Variants in COL4A5 observed in about 807,000 individuals in gnomAD.
COL4A5 encodes the protein collagen type IV alpha 5 chain, also known as collagen alpha-5(IV) chain.
COL4A5 carries 26 observed loss-of-function variants against 130.2 expected under a neutral mutation model. The observed-to-expected ratio is 0.20, with a 90% CI of 0.15 to 0.28. The LOEUF (loss-of-function observed/expected upper bound fraction) is 0.28. COL4A5 is among the 10% of genes least tolerant of loss of function. The pLI, the probability that COL4A5 is intolerant of heterozygous loss-of-function variation, is 1.00. For missense variants in COL4A5, 1,131 were observed against 1,344.3 expected (o/e 0.84, Z 2.48); for synonymous variants, 496 against 439.6 (o/e 1.13, Z -1.60).
intron 1 of COL4A5, among the ~76,000 whole-genome samples, chrX:108,526,589 CTCCCTCCTTTCTTTCTTTCT>C (rs1315427521): frequency 6.2e-5 from 4 of 64,345 alleles, no homozygotes; most frequent in African/African-American, 2.5e-4. Context: ...CCCTCCCTCC[CTCCCTCCTTTCTTTCTTTCT>C]TTCTTTCTTT....
chrX:108,582,994 C>G, intron 17 of COL4A5, 57 bp downstream of exon 17: 2 of 949,489 alleles, frequency 2.1e-6, no homozygotes, highest in Non-Finnish European at 3.0e-6. Flanking sequence ...TAATCCTTTT[C>G]TTCTCCCAGG....
chrX:108,455,397 T>A (rs2064574234), intron 1 of COL4A5, among the ~76,000 whole-genome samples: 1 of 112,283 alleles, frequency 8.9e-6, no homozygotes, highest in African/African-American at 3.2e-5. Context: ...ACTTTAAAAG[T>A]ACTAAATTGA....
At chrX:108,461,609 T>G (rs2064652450) in intron 1 of COL4A5, among the ~76,000 whole-genome samples, 1 of 109,795 alleles carries the variant, frequency 9.1e-6, no homozygotes, top group Non-Finnish European at 1.9e-5. Flanking sequence ...AAGTTTTTTG[T>G]TTTTTTTTGA....
chrX:108,554,545 C>T (rs902115711), intron 2 of COL4A5, among the ~76,000 whole-genome samples: 2 of 111,304 alleles, frequency 1.8e-5, no homozygotes, highest in African/African-American at 6.5e-5. Context: ...GAGCCAAATC[C>T]GTTTCACTGG....
At chrX:108,614,856 G>T in intron 29 of COL4A5, 55 bp from the exon 30 acceptor site, 1 of 841,853 alleles carries the variant, frequency 1.2e-6, no homozygotes. Flanking sequence ...TGGTTCCCAA[G>T]GACTAGTGAC....
At chrX:108,531,809 C>G (rs2065389441) in intron 1 of COL4A5, among the ~76,000 whole-genome samples, 1 of 111,760 alleles carries the variant, frequency 8.9e-6, no homozygotes, top group Non-Finnish European at 1.9e-5. Flanking sequence ...TTATGGACAA[C>G]TATACACTGA....
chrX:108,467,983 A>G (rs576184546), intron 1 of COL4A5, among the ~76,000 whole-genome samples: 2 of 111,695 alleles, frequency 1.8e-5, no homozygotes, highest in South Asian at 7.4e-4. Context: ...GGAGTTTTTC[A>G]GGTTTTGGAA....
chrX:108,630,731 A>G (rs988481965), intron 36 of COL4A5, among the ~76,000 whole-genome samples: 1 of 111,747 alleles, frequency 8.9e-6, no homozygotes, highest in Non-Finnish European at 1.9e-5. Context: ...GCCCTTGCCC[A>G]TGCCTATGTC....
intron 50 of COL4A5, chrX:108,694,378 A>C (rs1053766549): frequency 6.9e-5 from 12 of 174,223 alleles, no homozygotes; most frequent in African/African-American, 3.7e-4. Context: ...GAGATTGAGA[A>C]AGCGTCCGTT....
chrX:108,653,085 A>T (rs1393946134), intron 36 of COL4A5, among the ~76,000 whole-genome samples: 2 of 111,579 alleles, frequency 1.8e-5, no homozygotes, highest in African/African-American at 6.5e-5. Context: ...CATTGTTTTC[A>T]ATGAGTTTGT....
chrX:108,635,838 T>C (rs1234754116), intron 36 of COL4A5, among the ~76,000 whole-genome samples: 1 of 112,526 alleles, frequency 8.9e-6, no homozygotes, highest in Non-Finnish European at 1.9e-5. Context: ...TGGATGCAGC[T>C]GGAGGCTACT....
chrX:108,489,587 A>G (rs1036134348), intron 1 of COL4A5, among the ~76,000 whole-genome samples: 1 of 111,872 alleles, frequency 8.9e-6, no homozygotes, highest in Non-Finnish European at 1.9e-5. Context: ...ATACCGCCCA[A>G]GTTTGCTTTC....
intron 36 of COL4A5, among the ~76,000 whole-genome samples, chrX:108,635,767 A>G (rs1398534515): frequency 8.9e-6 from 1 of 112,355 alleles, no homozygotes; most frequent in East Asian, 2.8e-4. Flanking sequence ...TTTTCAACGT[A>G]GGTACCAAAA....
rs139140793 is a variant in COL4A5, at chrX:108,471,515, G to A, written c.81+31309G>A. On this transcript the variant is annotated intron_variant, in intron 1 of 52. Transcript: ENST00000328300. ...TGTAACCTGAAACTTTACTGAACTCGTTTGTCAGCTCTAGGAGCCTTTTGG... is the reference window on the plus strand; with the variant it reads ...TGTAACCTGAAACTTTACTGAACTCATTTGTCAGCTCTAGGAGCCTTTTGG... 7.0e-4 allele frequency among the ~76,000 whole-genome samples: 78 copies of A among 111,706 alleles called. No homozygotes were observed. The East Asian group carries it at 0.019, about 28-fold the overall frequency.
At chrX:108,653,743 G>T (rs2067779682) in intron 36 of COL4A5, among the ~76,000 whole-genome samples, 1 of 109,569 alleles carries the variant, frequency 9.1e-6, no homozygotes, top group East Asian at 2.9e-4. Context: ...TTTTTATTTT[G>T]GTATATACAT....
intron 42 of COL4A5, 71 bp downstream of exon 42, chrX:108,670,307 A>C: frequency 8.4e-7 from 1 of 1,197,431 alleles, no homozygotes; most frequent in Non-Finnish European, 1.1e-6. Flanking sequence ...AAATGTTTTC[A>C]AGTGTTTGAA....
intron 21 of COL4A5, among the ~76,000 whole-genome samples, chrX:108,592,425 A>G (rs2066451679): frequency 9.0e-6 from 1 of 111,460 alleles, no homozygotes; most frequent in Middle Eastern, 4.6e-3. Context: ...CCTATCTAAA[A>G]AAATGTAATC....
chrX:108,537,518 C>T (rs1278550119), intron 1 of COL4A5, among the ~76,000 whole-genome samples: 4 of 111,164 alleles, frequency 3.6e-5, no homozygotes, highest in Non-Finnish European at 5.7e-5. Flanking sequence ...TCGTTGGATA[C>T]TGAGAAGTCA....
At chrX:108,488,687 A>G (rs1419044006) in intron 1 of COL4A5, among the ~76,000 whole-genome samples, 1 of 112,213 alleles carries the variant, frequency 8.9e-6, no homozygotes, top group Non-Finnish European at 1.9e-5. Context: ...GCACCTTTTC[A>G]TATATTTAAG....
Sources: allele counts gnomAD v4.1 joint callset (sites outside exome capture counted in the v4.1 genomes callset), GRCh38; gene constraint gnomAD v4.1.1; transcripts MANE v1.5; gene names NCBI Gene and HGNC (gene_info 2026-07-23, HGNC 2026-07-21).